The following MAGI2 variants were observed in gnomAD, a reference collection of about 807,000 sequenced individuals.
MAGI2 encodes membrane associated guanylate kinase, WW and PDZ domain containing 2, also known as membrane-associated guanylate kinase, WW and PDZ domain-containing protein 2.
MAGI2 carries 35 observed loss-of-function variants against 133.3 expected under a neutral mutation model. The ratio of observed to expected loss-of-function variants is 0.26; its 90% CI spans 0.20 to 0.35. The LOEUF is 0.35. Among genes scored for constraint, MAGI2 ranks in the 10% least tolerant of loss-of-function variants. The probability of loss-of-function intolerance (pLI) is 1.00; values close to 1 mark genes in which losing one functional copy is unlikely to be tolerated. For synonymous variants in MAGI2, 729 were observed against 710.6 expected, an observed-to-expected ratio of 1.03 and a Z score of -0.41; for missense variants, 1,636 against 1,863.4, an observed-to-expected ratio of 0.88 and a Z score of 2.25.
chr7:79,041,554 T>C (rs2116909593), intron 1 of MAGI2, among the ~76,000 whole-genome samples: 1 of 152,284 alleles, frequency 6.6e-6, no homozygotes, highest in East Asian at 1.9e-4. Context: ...ACAATTATTA[T>C]TATCACATTA....
At chr7:79,173,534 G>C (rs1164123822) in intron 1 of MAGI2, among the ~76,000 whole-genome samples, 1 of 151,918 alleles carries the variant, frequency 6.6e-6, no homozygotes, top group Admixed American at 6.6e-5. Flanking sequence ...GTCTCACTTT[G>C]TTTCCCAGAC....
intron 1 of MAGI2, among the ~76,000 whole-genome samples, chr7:79,283,683 C>T (rs1393752717): frequency 1.3e-5 from 2 of 152,086 alleles, no homozygotes; most frequent in Non-Finnish European, 2.9e-5. Context: ...TAAACATATA[C>T]ATAAAGAAAG....
At chr7:78,293,526 G>A (rs1796932702) in intron 9 of MAGI2, among the ~76,000 whole-genome samples, 1 of 152,296 alleles carries the variant, frequency 6.6e-6, no homozygotes, top group African/African-American at 2.4e-5. Context: ...AGACAGTGTG[G>A]CGATTCCTCA....
intron 6 of MAGI2, among the ~76,000 whole-genome samples, chr7:78,477,807 TA>T (rs762044321): frequency 2.6e-5 from 4 of 152,006 alleles, no homozygotes; most frequent in Non-Finnish European, 4.4e-5. Flanking sequence ...AAAATAATTA[TA>T]AAATTATATT....
At chr7:79,256,452 A>G (rs1395454225) in intron 1 of MAGI2, among the ~76,000 whole-genome samples, 2 of 148,316 alleles carry the variant, frequency 1.3e-5, no homozygotes, top group Admixed American at 1.3e-4. Context: ...TAAATGCTCA[A>G]TTTCTTAAGT....
chr7:78,204,045 T>C (rs188594866), intron 10 of MAGI2, among the ~76,000 whole-genome samples: 1 of 152,352 alleles, frequency 6.6e-6, no homozygotes, highest in East Asian at 1.9e-4. Context: ...GGTTATTATA[T>C]TGAGCTTATT....
intron 1 of MAGI2, among the ~76,000 whole-genome samples, chr7:79,174,511 T>C (rs1825915081): frequency 1.3e-5 from 2 of 151,874 alleles, no homozygotes; most frequent in Non-Finnish European, 2.9e-5. Context: ...ACCTTTAATG[T>C]ATTAAAGAAA....
At chr7:79,078,630 T>C (rs1291039243) in intron 1 of MAGI2, among the ~76,000 whole-genome samples, 4 of 152,226 alleles carry the variant, frequency 2.6e-5, no homozygotes, top group African/African-American at 9.6e-5. Flanking sequence ...TTAACTCATA[T>C]GCAATGCAAT....
At chr7:78,227,850 T>TGTGTGTGTGTGTGTG (rs1789549829) in intron 10 of MAGI2, among the ~76,000 whole-genome samples, 1 of 145,546 alleles carries the variant, frequency 6.9e-6, no homozygotes, top group Non-Finnish European at 1.5e-5. Flanking sequence ...TCTTACTCAG[T>TGTGTGTGTGTGTGTG]TGTGTGTGTG....
chr7:78,434,828 A>G (rs1289530925), intron 6 of MAGI2, among the ~76,000 whole-genome samples: 2 of 152,132 alleles, frequency 1.3e-5, no homozygotes, highest in Admixed American at 6.6e-5. Flanking sequence ...AAAACAAGAA[A>G]ATAATCTTTG....
At chr7:78,795,621 A>G (rs1195447673) in intron 2 of MAGI2, among the ~76,000 whole-genome samples, 8 of 143,162 alleles carry the variant, frequency 5.6e-5, no homozygotes, top group African/African-American at 7.7e-5. Flanking sequence ...CAAAATACCA[A>G]TGACATTCTT....
chr7:79,107,738 C>T (rs977924363), intron 1 of MAGI2, among the ~76,000 whole-genome samples: 1 of 152,178 alleles, frequency 6.6e-6, no homozygotes, highest in African/African-American at 2.4e-5. Context: ...CAGACCCAAA[C>T]CATCATCCTC....
Position 79,453,354 on chromosome 7 carries a change from C to T in MAGI2, c.-34G>A, listed in dbSNP as rs1849428978. 1 of 1,571,322 alleles carries T rather than the reference C, an allele frequency of 6.4e-7. No individual in the cohort carries two copies. Among genetic ancestry groups the T allele is most frequent in the Admixed American group, 1.8e-5 (1 of 54,330 alleles). On this transcript the variant is annotated 5_prime_UTR_variant, in exon 1 of 22. Coordinates refer to ENST00000354212, the MANE Select transcript of MAGI2 (RefSeq NM_012301.4). ...GGCGAGTCGCCTCAGTTCCTGGGCT[C>T]CTTGGGGTTAGGGGGGCTGGTGGTG... is the stretch of plus-strand genomic sequence containing the variant.
intron 9 of MAGI2, 104 bp downstream of exon 9, chr7:78,343,674 A>G (rs1790618349): frequency 1.3e-6 from 1 of 790,776 alleles, no homozygotes; most frequent in Non-Finnish European, 1.8e-6. Flanking sequence ...CCTAAAGTGA[A>G]GTGACCTTTG....
chr7:78,573,272 AAATATATATATTTATAT>A (rs1563188713), intron 3 of MAGI2, among the ~76,000 whole-genome samples: 3 of 25,346 alleles, frequency 1.2e-4, no homozygotes, highest in African/African-American at 4.4e-4. Context: ...AAATATATAT[AAATATATATATTTATAT>A]AAATATATAT....
Position 79,178,116 on chromosome 7 carries a change from T to TATTTCTACTAAATAA in MAGI2, c.302-170925_302-170911dup, listed in dbSNP as rs1285529182. ...AAAGTCCTACACTGTGGTCCTTCAT[T>TATTTCTACTAAATAA]ATTTCTACTAAATAAATTTCTACTA... On this transcript the variant is annotated intron_variant, in intron 1 of 21. Transcript: ENST00000354212. Among the ~76,000 whole-genome samples the TATTTCTACTAAATAA allele has an allele frequency of 9.0e-4, 137 of 152,176 alleles. 2 individuals are homozygous for TATTTCTACTAAATAA. Among genetic ancestry groups the TATTTCTACTAAATAA allele is most frequent in the African/African-American group, 3.1e-3 (129 of 41,458 alleles).
At chr7:79,003,246 A>C (rs1424142000) in intron 2 of MAGI2, among the ~76,000 whole-genome samples, 2 of 152,156 alleles carry the variant, frequency 1.3e-5, no homozygotes, top group Non-Finnish European at 2.9e-5. Context: ...ACTCTCTCTT[A>C]CTAGGCACCA....
chr7:79,367,254 T>C (rs939809466), intron 1 of MAGI2, among the ~76,000 whole-genome samples: 1 of 152,248 alleles, frequency 6.6e-6, no homozygotes, highest in Non-Finnish European at 1.5e-5. Flanking sequence ...AATGCATGGA[T>C]TAAACTAATG....
chr7:79,426,603 T>C (rs949855136), intron 1 of MAGI2, among the ~76,000 whole-genome samples: 2 of 152,200 alleles, frequency 1.3e-5, no homozygotes, highest in Non-Finnish European at 2.9e-5. Context: ...TTACTACATA[T>C]ATAACTAGAA....
Sources: gnomAD v4.1 joint callset for allele counts (sites outside exome capture counted in the v4.1 genomes callset) on GRCh38, gnomAD v4.1.1 for gene constraint, MANE v1.5 for transcripts, NCBI Gene and HGNC (gene_info 2026-07-23, HGNC 2026-07-21) for gene names.